Variants in ATG2B observed in about 807,000 individuals in gnomAD.
The protein encoded by ATG2B is autophagy related 2B, also known as autophagy-related protein 2 homolog B.
ATG2B carries 121 observed loss-of-function variants against 241.3 expected under a neutral mutation model. The observed-to-expected ratio is 0.50, with a 90% confidence interval of 0.43 to 0.58. The LOEUF (loss-of-function observed/expected upper bound fraction) is 0.58, where lower values mean the gene tolerates loss of function less well. ATG2B is among the 20% of genes least tolerant of loss of function. ATG2B has a pLI of 0.00. For synonymous variants in ATG2B, 858 were observed against 876.6 expected (o/e 0.98, Z 0.37); for missense variants, 2,306 against 2,491.6 (o/e 0.93, Z 1.59).
rs964939938 is a variant in ATG2B, at chr14:96,290,758, G to C, written c.5701+56C>G. Reference sequence around the variant, plus strand: ...CTCACATAAGTTCTCAAAGGGATAAGAATTACTCATCTGAAAAAATAACTT... The same window carrying C: ...CTCACATAAGTTCTCAAAGGGATAACAATTACTCATCTGAAAAAATAACTT... On this transcript the variant is annotated intron_variant, in intron 39 of 41. Transcript: ENST00000359933. The surrounding 1 kb of genome is among the most constrained non-coding windows in gnomAD (Gnocchi z 4.4). The C allele has an allele frequency of 3.2e-6, 5 of 1,581,928 alleles. No individual in the cohort carries two copies. Among genetic ancestry groups the C allele is most frequent in the African/African-American group, 1.4e-5 (1 of 73,254 alleles).
chr14:96,296,437 T>G (rs1186870868), intron 34 of ATG2B, among the ~76,000 whole-genome samples: 2 of 152,122 alleles, frequency 1.3e-5, no homozygotes, highest in Non-Finnish European at 2.9e-5. Context: ...TTTGTATATA[T>G]GCCTGAGCCT....
intron 10 of ATG2B, among the ~76,000 whole-genome samples, chr14:96,332,068 C>A (rs1389566648): frequency 6.6e-6 from 1 of 151,998 alleles, no homozygotes; most frequent in African/African-American, 2.4e-5. Context: ...TAATATGAAA[C>A]TTACAGTGTA....
chr14:96,362,761 A>C, intron 1 of ATG2B, 54 bp downstream of exon 1: 2 of 1,549,780 alleles, frequency 1.3e-6, no homozygotes, highest in Non-Finnish European at 1.7e-6. Flanking sequence ...ACTGGTTCAA[A>C]GCGCCCTAAA....
At chr14:96,295,690 T>C in intron 34 of ATG2B, 130 bp from the exon 35 acceptor site, 1 of 545,604 alleles carries the variant, frequency 1.8e-6, no homozygotes. Flanking sequence ...ATTGAATTCT[T>C]TCTCCATGCT....
At chr14:96,303,727 A>ACCATGTAT (rs1195386275) in intron 32 of ATG2B, among the ~76,000 whole-genome samples, 2 of 152,194 alleles carry the variant, frequency 1.3e-5, no homozygotes, top group Admixed American at 6.5e-5. Context: ...TGAGGCTATT[A>ACCATGTAT]CCATGTATGT....
Position 96,315,183 on chromosome 14 carries a change from G to T in ATG2B, c.3613C>A (p.Leu1205Ile), listed in dbSNP as rs765740564. The stretch of plus-strand genomic sequence containing the variant: ...TCATGCCAGCTAAGCCCAGAAGGAA[G>T]CATTCTATGCTGGAGAGTGGCTCCT... ...LKGATLQHRM[L>I]PSGLSWHEQI... Residue 1205 changes from leucine to isoleucine, a missense_variant, in exon 23 of 42, where the codon CTT becomes ATT. Transcript: ENST00000359933. 6.2e-7 allele frequency: 1 copy of T among 1,614,148 alleles called. No homozygotes were observed. Among genetic ancestry groups the T allele is most frequent in the East Asian group, 2.2e-5 (1 of 44,882 alleles).
rs772341677 is a variant in ATG2B, at chr14:96,313,402, C to T, written c.3676G>A (p.Val1226Ile). ...GAAGTTGGAGGATTATATCCCAAAACAGGTTCATCAGCAATATTCAAGAAG... is the reference window on the plus strand; with the variant it reads ...GAAGTTGGAGGATTATATCCCAAAATAGGTTCATCAGCAATATTCAAGAAG... ...LYFLNIADEP[V>I]LGYNPPTSFT... Residue 1226 changes from valine (V) to isoleucine (I), a missense_variant, in exon 24 of 42, where the codon GTT becomes ATT. Coordinates refer to ENST00000359933, the MANE Select transcript of ATG2B (RefSeq NM_018036.7). 6 of 1,590,606 alleles carry T rather than the reference C, an allele frequency of 3.8e-6. No homozygotes were observed. Among genetic ancestry groups the T allele is most frequent in the South Asian group, 2.3e-5 (2 of 85,532 alleles).
At chr14:96,342,033 G>A (rs1349412405) in intron 5 of ATG2B, among the ~76,000 whole-genome samples, 1 of 152,156 alleles carries the variant, frequency 6.6e-6, no homozygotes, top group African/African-American at 2.4e-5. Flanking sequence ...AAATTATACA[G>A]TGACTGACTT....
In ATG2B at chr14:96,313,393, A is replaced by G; in HGVS notation, c.3685T>C (p.Tyr1229His). 6.3e-7 allele frequency: 1 copy of G among 1,595,166 alleles called. No individual in the cohort carries two copies. Among genetic ancestry groups the G allele is most frequent in the South Asian group, 1.2e-5 (1 of 86,100 alleles). The change falls in exon 24 of 42, where the codon TAT becomes CAT. Residue 1229 changes from tyrosine to histidine, a missense_variant. Transcript: ENST00000359933. ...LNIADEPVLGYNPPTSFTTFH... is the reference protein window; with the variant it reads ...LNIADEPVLGHNPPTSFTTFH... ...GTTGTAAATGAAGTTGGAGGATTAT[A>G]TCCCAAAACAGGTTCATCAGCAATA...
At chr14:96,333,924 T>A (rs377061598) in intron 7 of ATG2B, 51 bp from the exon 8 acceptor site, 2 of 1,529,514 alleles carry the variant, frequency 1.3e-6, no homozygotes, top group South Asian at 1.1e-5. Context: ...TGGAGTTAAT[T>A]AAGCATTTCT....
Position 96,331,495 on chromosome 14 carries a change from T to G in ATG2B, c.1611A>C (p.Thr537=), listed in dbSNP as rs1383609617. ...AAGTAAAGAAAGCTACTGCCATAGG[T>G]GTCAATGGATTAAGGTTCTGTGACG... ...PETSQNLNPL[T]PMAVAFFTCI... Residue 537 remains threonine, a synonymous_variant, in exon 11 of 42, where the codon ACA becomes ACC. Coordinates refer to ENST00000359933, the MANE Select transcript of ATG2B (RefSeq NM_018036.7). 4 of 1,614,036 alleles carry G rather than the reference T, an allele frequency of 2.5e-6. No individual in the cohort carries two copies. Among genetic ancestry groups the G allele is most frequent in the Non-Finnish European group, 3.4e-6 (4 of 1,179,946 alleles).
intron 5 of ATG2B, among the ~76,000 whole-genome samples, chr14:96,342,522 GA>G (rs1429642016): frequency 6.6e-6 from 1 of 151,998 alleles, no homozygotes; most frequent in Non-Finnish European, 1.5e-5. Context: ...AGGAGTTCGA[GA>G]CCAGCCTGGC....
intron 6 of ATG2B, among the ~76,000 whole-genome samples, chr14:96,339,273 T>A (rs1248362736): frequency 9.3e-5 from 2 of 21,538 alleles, no homozygotes; most frequent in East Asian, 1.0e-3. Context: ...AATTCCACAG[T>A]GTGTGTGTGT....
Position 96,363,173 on chromosome 14 carries a change from C to T in ATG2B, c.-197G>A. The T allele has an allele frequency of 1.7e-6, 1 of 588,946 alleles. No homozygotes were observed. Among genetic ancestry groups the T allele is most frequent in the Non-Finnish European group, 3.0e-6 (1 of 335,068 alleles). The allele number at this position is 588,946 out of a possible 1,614,324, so 36.5% of individuals were successfully genotyped here. On this transcript the variant is annotated 5_prime_UTR_variant, in exon 1 of 42. Coordinates refer to ENST00000359933, the MANE Select transcript of ATG2B (RefSeq NM_018036.7). The stretch of plus-strand genomic sequence containing the variant: ...CGCGCTGGGCCTGGCGGAGGCAAGA[C>T]GCAGAGGGGTCCTCCTGGCCCCAGG...
At position 96,362,897 on chromosome 14, in the gene ATG2B, T is replaced by A. The variant is rs1454868330; in HGVS notation, c.80A>T (p.Gln27Leu). 2 of 1,613,534 alleles carry A rather than the reference T, an allele frequency of 1.2e-6. No homozygotes were observed. The highest frequency in any genetic ancestry group is 2.7e-5 in the African/African-American group (2 of 74,952). ...GAGCTGCTCCAGGCTCAGCTTCTCC[T>A]GCAGAAAGTGGCCCAGGTACCTCTG... ...LLQRYLGHFL[Q>L]EKLSLEQLSL... Residue 27 changes from glutamine to leucine, a missense_variant, in exon 1 of 42, where the codon CAG (glutamine) becomes CTG (leucine). Physicochemically the swap from Gln to Leu is moderately radical, Grantham distance 113. This residue lies in a region of ATG2B where 1,927 missense variants were observed against 2,011.2 expected (regional missense o/e 0.96). Coordinates refer to ENST00000359933, the MANE Select transcript of ATG2B (RefSeq NM_018036.7).
chr14:96,338,544 AC>A (rs1397980862), intron 6 of ATG2B, among the ~76,000 whole-genome samples: 1 of 152,122 alleles, frequency 6.6e-6, no homozygotes, highest in Non-Finnish European at 1.5e-5. Context: ...TGGTTAAAAC[AC>A]CCCCTATTCA....
At chr14:96,347,097 T>C in intron 2 of ATG2B, 82 bp downstream of exon 2, 1 of 1,258,926 alleles carries the variant, frequency 7.9e-7, no homozygotes, top group Non-Finnish European at 1.1e-6. Flanking sequence ...AAAGCAAAAA[T>C]ACTAAATTTA....
chr14:96,317,136 A>G lies in ATG2B; in HGVS notation c.3210+9T>C. 1 of 1,593,184 alleles carries G rather than the reference A, an allele frequency of 6.3e-7. No individual in the cohort carries two copies. Among genetic ancestry groups the G allele is most frequent in the Non-Finnish European group, 8.6e-7 (1 of 1,169,256 alleles). ...ATTTGAAAAAACACTTCGGATTTGT[A>G]AACCTCACCTTCACATCTGTGAACA... On this transcript the variant is annotated intron_variant, in intron 20 of 41. Transcript: ENST00000359933.
Position 96,341,632 on chromosome 14 carries a change from T to G in ATG2B, c.814A>C (p.Arg272=), listed in dbSNP as rs1423006119. The change falls in exon 6 of 42, where the codon AGA becomes CGA. Residue 272 remains arginine, a synonymous_variant. Transcript: ENST00000359933. ...GAAGGTGCTATCTCTGGTAAATTTC[T>G]AGTTAGCTGTGGGTGTGGCTCATAA... ...IIYEPHPQLT[R]NLPEIAPSDP... is the part of the protein sequence containing the mutation. 3.1e-6 allele frequency: 5 copies of G among 1,603,310 alleles called. No homozygotes were observed. Among genetic ancestry groups the G allele is most frequent in the Non-Finnish European group, 3.4e-6 (4 of 1,173,620 alleles).
Sources: gnomAD v4.1 joint callset for allele counts (sites outside exome capture counted in the v4.1 genomes callset) on GRCh38, gnomAD v4.1.1 for gene constraint, gnomAD v4.1.1 regional missense constraint, Gnocchi (gnomAD v3.1) non-coding constraint, MANE v1.5 for transcripts, NCBI Gene and HGNC (gene_info 2026-07-23, HGNC 2026-07-21) for gene names.